RALGAPA1: variants seen among roughly 807,000 people sequenced by gnomAD.
RALGAPA1 encodes Ral GTPase activating protein catalytic subunit alpha 1, also known as ral GTPase-activating protein subunit alpha-1.
Under a neutral mutation model 269.6 loss-of-function variants are expected in RALGAPA1, and 52 were observed. The ratio of observed to expected loss-of-function variants is 0.19; its 90% CI spans 0.15 to 0.24. The LOEUF (loss-of-function observed/expected upper bound fraction) is 0.24, where lower values mean the gene tolerates loss of function less well. Among genes scored for constraint, RALGAPA1 ranks in the 10% least tolerant of loss-of-function variants. The pLI, the probability that RALGAPA1 is intolerant of heterozygous loss-of-function variation, is 1.00. For missense variants in RALGAPA1, 1,917 were observed against 3,013.9 expected, an observed-to-expected ratio of 0.64 and a Z score of 8.52; for synonymous variants, 817 against 1,008.3, an observed-to-expected ratio of 0.81 and a Z score of 3.60.
At chr14:35,558,947 C>G (rs2055890804) in intron 39 of RALGAPA1, among the ~76,000 whole-genome samples, 1 of 152,144 alleles carries the variant, frequency 6.6e-6, no homozygotes, top group Non-Finnish European at 1.5e-5. Context: ...GGACCATATG[C>G]CAACCCTGAT....
chr14:35,706,416 C>G (rs1216518480), intron 16 of RALGAPA1, among the ~76,000 whole-genome samples: 1 of 152,068 alleles, frequency 6.6e-6, no homozygotes, highest in African/African-American at 2.4e-5. Flanking sequence ...GCCTTTGCTC[C>G]TTTTTGAAAG....
intron 28 of RALGAPA1, 143 bp from the exon 29 acceptor site, chr14:35,656,058 A>T (rs1320530320): frequency 7.0e-7 from 1 of 1,438,642 alleles, no homozygotes; most frequent in Non-Finnish European, 9.2e-7. Flanking sequence ...CTGGTAACCA[A>T]AGAAGAGAAA....
chr14:35,752,585 G>T (rs751582664), intron 7 of RALGAPA1, among the ~76,000 whole-genome samples: 1 of 152,150 alleles, frequency 6.6e-6, no homozygotes, highest in Admixed American at 6.6e-5. Flanking sequence ...ATCCATAAAG[G>T]GGGTACAGTA....
At chr14:35,609,548 A>T (rs991626217) in intron 35 of RALGAPA1, among the ~76,000 whole-genome samples, 4 of 152,208 alleles carry the variant, frequency 2.6e-5, no homozygotes, top group African/African-American at 9.6e-5. Context: ...AAATGCCTCT[A>T]TTAAAAAAGA....
intron 16 of RALGAPA1, among the ~76,000 whole-genome samples, chr14:35,716,695 T>C (rs1194926815): frequency 6.6e-6 from 1 of 152,178 alleles, no homozygotes; most frequent in Non-Finnish European, 1.5e-5. Flanking sequence ...TTGGTTATTG[T>C]CTCTTGAGCC....
intron 35 of RALGAPA1, among the ~76,000 whole-genome samples, chr14:35,620,803 C>A (rs1401678702): frequency 6.6e-6 from 1 of 152,152 alleles, no homozygotes; most frequent in Admixed American, 6.5e-5. Context: ...ATCCAACTTA[C>A]AATGGATGTG....
intron 22 of RALGAPA1, among the ~76,000 whole-genome samples, chr14:35,675,326 C>T (rs1369929791): frequency 6.6e-6 from 1 of 152,168 alleles, no homozygotes; most frequent in Non-Finnish European, 1.5e-5. Flanking sequence ...CAGGCTCACA[C>T]CACCACATCC....
At position 35,570,649 on chromosome 14, in the gene RALGAPA1, A is replaced by G. The variant is rs745566042; in HGVS notation, c.7464T>C (p.Ala2488=). The change falls in exon 39 of 42, where the codon GCT becomes GCC. Residue 2488 remains alanine (A), a synonymous_variant. Transcript: ENST00000680220. The part of the protein sequence containing the change: ...VRATAINASR[A]LKSLIPLYQN... Reference sequence around the variant, plus strand: ...GATACAATGGAATCAGAGATTTCAGAGCACGGCTTGCATTTATAGCTGTTG... The same window carrying G: ...GATACAATGGAATCAGAGATTTCAGGGCACGGCTTGCATTTATAGCTGTTG... 1.9e-6 allele frequency: 3 copies of G among 1,609,456 alleles called. No individual in the cohort carries two copies. Among genetic ancestry groups the G allele is most frequent in the Non-Finnish European group, 2.5e-6 (3 of 1,178,766 alleles).
At chr14:35,632,778 T>C (rs1391641881) in intron 33 of RALGAPA1, among the ~76,000 whole-genome samples, 8 of 152,156 alleles carry the variant, frequency 5.3e-5, no homozygotes, top group African/African-American at 1.9e-4. Flanking sequence ...ACTGAGCTTA[T>C]TAGGGACACT....
chr14:35,650,086 T>TG (rs1411833301), intron 31 of RALGAPA1, among the ~76,000 whole-genome samples: 1 of 152,150 alleles, frequency 6.6e-6, no homozygotes, highest in Non-Finnish European at 1.5e-5. Context: ...TGGCTAAAAA[T>TG]GGAGGCCGGA....
At chr14:35,569,312 C>A (rs1298732835) in intron 39 of RALGAPA1, among the ~76,000 whole-genome samples, 1 of 151,970 alleles carries the variant, frequency 6.6e-6, no homozygotes, top group African/African-American at 2.4e-5. Flanking sequence ...TGTTTTAAAT[C>A]ATATAGAAAA....
intron 4 of RALGAPA1, 67 bp downstream of exon 4, chr14:35,770,875 C>A (rs933620431): frequency 5.5e-6 from 3 of 543,300 alleles, no homozygotes; most frequent in Admixed American, 7.8e-5. Flanking sequence ...ACTAACAACC[C>A]ATTAAAGAAC....
intron 4 of RALGAPA1, among the ~76,000 whole-genome samples, chr14:35,765,415 C>G (rs1327368140): frequency 6.6e-6 from 1 of 151,764 alleles, no homozygotes; most frequent in African/African-American, 2.4e-5. Context: ...TGTGTACATA[C>G]ATATATATGA....
chr14:35,798,238 C>G (rs1337433538), intron 1 of RALGAPA1, among the ~76,000 whole-genome samples: 1 of 148,406 alleles, frequency 6.7e-6, no homozygotes, highest in African/African-American at 2.5e-5. Context: ...GGGGCATGAA[C>G]ACGGCTGACT....
chr14:35,681,890 A>G (rs2065477685), intron 21 of RALGAPA1, among the ~76,000 whole-genome samples: 1 of 152,180 alleles, frequency 6.6e-6, no homozygotes, highest in Non-Finnish European at 1.5e-5. Context: ...ACATAGAATA[A>G]TAACGTATAA....
At chr14:35,743,998 T>A (rs2071809704) in intron 10 of RALGAPA1, among the ~76,000 whole-genome samples, 1 of 152,196 alleles carries the variant, frequency 6.6e-6, no homozygotes, top group African/African-American at 2.4e-5. Context: ...ATACGCTTAA[T>A]CTCATCACCC....
intron 7 of RALGAPA1, among the ~76,000 whole-genome samples, chr14:35,752,985 G>T (rs1322757863): frequency 6.6e-6 from 1 of 152,160 alleles, no homozygotes; most frequent in Non-Finnish European, 1.5e-5. Context: ...TTAACATTAA[G>T]ATAGATAGAT....
chr14:35,580,046 T>G (rs1261284164), intron 37 of RALGAPA1, among the ~76,000 whole-genome samples: 12 of 152,162 alleles, frequency 7.9e-5, no homozygotes, highest in Admixed American at 7.9e-4. Flanking sequence ...CAAGGTTCAT[T>G]TATTTGCACA....
intron 16 of RALGAPA1, among the ~76,000 whole-genome samples, chr14:35,706,302 T>C (rs2067799554): frequency 6.6e-6 from 1 of 152,182 alleles, no homozygotes; most frequent in South Asian, 2.1e-4. Context: ...TCTGAGTTAA[T>C]TTTTGTGAAA....
Sources: gnomAD v4.1 joint callset for allele counts (sites outside exome capture counted in the v4.1 genomes callset) on GRCh38, gnomAD v4.1.1 for gene constraint, MANE v1.5 for transcripts, NCBI Gene and HGNC (gene_info 2026-07-23, HGNC 2026-07-21) for gene names.